The following CRPPA variants were observed in gnomAD, a reference collection of about 807,000 sequenced individuals.
CRPPA encodes the protein D-ribitol-5-phosphate cytidylyltransferase.
In CRPPA, 43 loss-of-function variants were observed where a neutral mutation model predicts 52.0. That is an observed-to-expected ratio of 0.83 (90% CI 0.65 to 1.07). CRPPA has a LOEUF of 1.07. Among genes scored for constraint, CRPPA ranks in the 50% least tolerant of loss-of-function variants. CRPPA has a pLI of 0.00. For synonymous variants in CRPPA, 250 were observed against 203.5 expected, an observed-to-expected ratio of 1.23 and a Z score of -1.94; for missense variants, 629 against 551.7, an observed-to-expected ratio of 1.14 and a Z score of -1.40.
At chr7:16,124,140 C>T (rs1324584945) in intron 9 of CRPPA, among the ~76,000 whole-genome samples, 1 of 135,038 alleles carries the variant, frequency 7.4e-6, no homozygotes, top group African/African-American at 2.8e-5. Context: ...AACCTCCATA[C>T]TGTTTTCCAT....
chr7:16,092,865 A>G (rs1234187970), intron 9 of CRPPA, among the ~76,000 whole-genome samples: 1 of 152,176 alleles, frequency 6.6e-6, no homozygotes, highest in African/African-American at 2.4e-5. Context: ...CAAGCCACAT[A>G]GAACTGCTTA....
At chr7:16,416,638 C>A (rs948257413) in intron 1 of CRPPA, among the ~76,000 whole-genome samples, 1 of 151,690 alleles carries the variant, frequency 6.6e-6, no homozygotes, top group African/African-American at 2.4e-5. Flanking sequence ...AGCTCAAGAC[C>A]AGCCTGCCCA....
intron 9 of CRPPA, among the ~76,000 whole-genome samples, chr7:16,127,812 GCT>G (rs1303840890): frequency 6.6e-5 from 10 of 152,002 alleles, no homozygotes; most frequent in Non-Finnish European, 1.5e-4. Flanking sequence ...ATCACAAAAA[GCT>G]ACTCTAATGG....
intron 9 of CRPPA, among the ~76,000 whole-genome samples, chr7:16,155,139 C>T (rs896495399): frequency 2.0e-5 from 3 of 151,976 alleles, no homozygotes; most frequent in Non-Finnish European, 4.4e-5. Context: ...GTCCTTATTA[C>T]ATTTGAATAC....
intron 5 of CRPPA, among the ~76,000 whole-genome samples, chr7:16,293,738 G>A (rs117053795): frequency 0.017 from 2,524 of 152,046 alleles, 56 homozygotes; most frequent in Middle Eastern, 0.034. Context: ...TCAACTGGAG[G>A]ACAATGGCAC....
intron 8 of CRPPA, 55 bp downstream of exon 8, chr7:16,258,335 G>T: frequency 1.9e-6 from 2 of 1,079,684 alleles, no homozygotes; most frequent in South Asian, 2.8e-5. Context: ...TATGTACATT[G>T]AGTTACAAAG....
chr7:16,280,736 G>C (rs1212761193), intron 5 of CRPPA, among the ~76,000 whole-genome samples: 1 of 152,034 alleles, frequency 6.6e-6, no homozygotes. Context: ...AAATCTATTT[G>C]CTGGCCAGGC....
At chr7:16,216,895 G>C (rs1305718104) in intron 8 of CRPPA, among the ~76,000 whole-genome samples, 1 of 152,004 alleles carries the variant, frequency 6.6e-6, no homozygotes, top group African/African-American at 2.4e-5. Context: ...GGCTTGCTTA[G>C]GTAAACAAAG....
chr7:16,177,098 G>A lies in CRPPA; in HGVS notation c.1251+38968C>T, dbSNP rs1039732485. Among the ~76,000 whole-genome samples, 6 of 152,184 alleles carry A rather than the reference G, an allele frequency of 3.9e-5. No individual in the cohort carries two copies. The South Asian group carries it at 6.2e-4, about 16-fold the overall frequency. ...TGCATTTATATGACATTGTTGAAAAGCCAAAACTATAATGACAGAAGAGAA... is the reference window on the plus strand; with the variant it reads ...TGCATTTATATGACATTGTTGAAAAACCAAAACTATAATGACAGAAGAGAA... On this transcript the variant is annotated intron_variant, in intron 9 of 9. Transcript: ENST00000407010.
intron 5 of CRPPA, among the ~76,000 whole-genome samples, chr7:16,296,538 T>C (rs1484712408): frequency 6.6e-6 from 1 of 151,940 alleles, no homozygotes; most frequent in African/African-American, 2.4e-5. Context: ...AGAATACAAT[T>C]TGTTGACCAG....
chr7:16,318,507 C>G (rs1302253446), intron 3 of CRPPA, among the ~76,000 whole-genome samples: 1 of 152,014 alleles, frequency 6.6e-6, no homozygotes, highest in Non-Finnish European at 1.5e-5. Context: ...TGCTGAGTAA[C>G]AAATATGTAC....
intron 2 of CRPPA, among the ~76,000 whole-genome samples, chr7:16,395,880 G>C (rs1425097662): frequency 1.3e-5 from 2 of 152,166 alleles, no homozygotes; most frequent in African/African-American, 4.8e-5. Flanking sequence ...ATAGAAGTGG[G>C]TAATTTGAAA....
chr7:16,222,477 T>C (rs1434737585), intron 8 of CRPPA, among the ~76,000 whole-genome samples: 2 of 151,244 alleles, frequency 1.3e-5, no homozygotes, highest in Non-Finnish European at 2.9e-5. Context: ...AAAAACCAAA[T>C]GCTAATATTC....
At position 16,421,250 on chromosome 7, in the gene CRPPA, C is replaced by T; in HGVS notation, c.73G>A (p.Asp25Asn). 7.6e-7 allele frequency: 1 copy of T among 1,318,844 alleles called. No individual in the cohort carries two copies. The highest frequency in any genetic ancestry group is 9.7e-7 in the Non-Finnish European group (1 of 1,027,202). 81.7% of individuals were successfully genotyped at this position (1,318,844 alleles called of 1,614,324 possible). The stretch of plus-strand genomic sequence containing the variant: ...TGCAGGGAGGCGGAAGCCGTGTGGT[C>T]CGCGCCGCGCTGACCACTCAGGCAA... ...GPCLSGQRGA[D>N]HTASASLQSV... Residue 25 changes from aspartate to asparagine, a missense_variant, in exon 1 of 10, where the codon GAC (aspartate) becomes AAC (asparagine). By Grantham distance (23) the Asp-to-Asn change is conservative. Transcript: ENST00000407010.
At chr7:16,101,323 A>G (rs1266854759) in intron 9 of CRPPA, among the ~76,000 whole-genome samples, 1 of 152,092 alleles carries the variant, frequency 6.6e-6, no homozygotes, top group Non-Finnish European at 1.5e-5. Flanking sequence ...TATTGCCTCA[A>G]TTTCAGAACT....
At chr7:16,176,266 C>A (rs1781294527) in intron 9 of CRPPA, among the ~76,000 whole-genome samples, 1 of 151,994 alleles carries the variant, frequency 6.6e-6, no homozygotes, top group Admixed American at 6.6e-5. Context: ...GTTTAATATC[C>A]TAGAGGAAAT....
chr7:16,384,250 C>G (rs898664044), intron 2 of CRPPA, among the ~76,000 whole-genome samples: 1 of 152,070 alleles, frequency 6.6e-6, no homozygotes, highest in Non-Finnish European at 1.5e-5. Flanking sequence ...GAAGCTCTCC[C>G]AAAGGGAACT....
chr7:16,362,460 C>T (rs1786479969), intron 3 of CRPPA, among the ~76,000 whole-genome samples: 1 of 152,168 alleles, frequency 6.6e-6, no homozygotes, highest in Non-Finnish European at 1.5e-5. Context: ...ACCCTTGTGG[C>T]TTAATCACCT....
Position 16,389,874 on chromosome 7 carries a change from C to T in CRPPA, c.535-13633G>A, listed in dbSNP as rs551956823. ...AGTGTCTTCTAACTATTAGAAGAAG[C>T]GAGTTGTCAGCAAGGATACAGAGAA... On this transcript the variant is annotated intron_variant, in intron 2 of 9. Coordinates refer to ENST00000407010, the MANE Select transcript of CRPPA (RefSeq NM_001101426.4). Among the ~76,000 whole-genome samples, 53 of 113,992 alleles carry T rather than the reference C, an allele frequency of 4.6e-4. No homozygotes were observed. In the South Asian group the frequency reaches 0.012, roughly 27 times the overall value. 74.8% of individuals were successfully genotyped at this position (113,992 alleles called of 152,430 possible). A position where few individuals can be genotyped will look rare whatever the true frequency, so the allele number is the denominator to read the frequency against.
Sources: allele counts gnomAD v4.1 joint callset (sites outside exome capture counted in the v4.1 genomes callset), GRCh38; gene constraint gnomAD v4.1.1; transcripts MANE v1.5; gene names NCBI Gene and HGNC (gene_info 2026-07-23, HGNC 2026-07-21).